ZMAT4: variants seen among roughly 807,000 people sequenced by gnomAD.
The protein encoded by ZMAT4 is zinc finger matrin-type protein 4.
ZMAT4 carries 17 observed loss-of-function variants against 28.7 expected under a neutral mutation model. That is an observed-to-expected ratio of 0.59 (90% CI 0.41 to 0.89). The LOEUF (loss-of-function observed/expected upper bound fraction) is 0.89. Ranked by LOEUF, ZMAT4 falls within the 40% of genes least tolerant of loss-of-function variation. The pLI, the probability that ZMAT4 is intolerant of heterozygous loss-of-function variation, is 0.00. For missense variants in ZMAT4, 240 were observed against 283.8 expected (o/e 0.85, Z 1.11); for synonymous variants, 117 against 109.2 (o/e 1.07, Z -0.44).
At chr8:40,896,300 C>T (rs1292154085) in intron 1 of ZMAT4, among the ~76,000 whole-genome samples, 1 of 152,122 alleles carries the variant, frequency 6.6e-6, no homozygotes, top group Non-Finnish European at 1.5e-5. Flanking sequence ...AGAATCCCTC[C>T]CAGAACATGC....
chr8:40,786,701 A>G, intron 2 of ZMAT4: 1 of 1,289,024 alleles, frequency 7.8e-7, no homozygotes, highest in Non-Finnish European at 1.0e-6. Flanking sequence ...GTCAGAATTC[A>G]CACAGCCACC....
In ZMAT4 at chr8:40,674,901, C is replaced by T. The variant is rs1419897637; in HGVS notation, c.380G>A (p.Arg127Gln). Residue 127 changes from arginine (R) to glutamine (Q), a missense_variant, in exon 5 of 7, where the codon CGG becomes CAG. Arg to Gln is a conservative substitution (Grantham distance 43). Transcript: ENST00000297737. ...TGCGACCACCGGAGCAGTGTCCATC[C>T]GTGGGGGCTTAAGTGGGCTCAGGGG... ...ATPLSPLKPP[R>Q]MDTAPVVASP... 4 of 1,613,194 alleles carry T rather than the reference C, an allele frequency of 2.5e-6. No homozygotes were observed. Among genetic ancestry groups the T allele is most frequent in the South Asian group, 2.2e-5 (2 of 91,052 alleles).
intron 2 of ZMAT4, among the ~76,000 whole-genome samples, chr8:40,801,342 A>T (rs1814822203): frequency 1.5e-5 from 1 of 66,026 alleles, no homozygotes; most frequent in Admixed American, 2.3e-4. Flanking sequence ...TACTTTCTTT[A>T]AAAAAAAAAA....
At chr8:40,678,963 T>A (rs1176440941) in intron 4 of ZMAT4, among the ~76,000 whole-genome samples, 3 of 152,206 alleles carry the variant, frequency 2.0e-5, no homozygotes, top group Non-Finnish European at 4.4e-5. Flanking sequence ...TGTGCCTTAT[T>A]ATACATCCCA....
intron 2 of ZMAT4, among the ~76,000 whole-genome samples, chr8:40,788,288 G>GCTCA (rs1814167824): frequency 6.6e-6 from 1 of 151,974 alleles, no homozygotes; most frequent in Non-Finnish European, 1.5e-5. Context: ...AACTACCAAA[G>GCTCA]CTTAAGAATA....
chr8:40,781,789 A>AAAAAAAAAAAAAAAAAAAAAAC (rs1563480296), intron 2 of ZMAT4, among the ~76,000 whole-genome samples: 2 of 147,848 alleles, frequency 1.4e-5, no homozygotes, highest in African/African-American at 5.1e-5. Flanking sequence ...AAAAAAAAAA[A>AAAAAAAAAAAAAAAAAAAAAAC]AAGAAAAGAA....
chr8:40,755,411 T>G (rs1326005876), intron 3 of ZMAT4, among the ~76,000 whole-genome samples: 1 of 152,192 alleles, frequency 6.6e-6, no homozygotes, highest in African/African-American at 2.4e-5. Context: ...TGTGTGGCTG[T>G]GTTCCAATAA....
At chr8:40,835,085 G>A (rs187223924) in intron 1 of ZMAT4, among the ~76,000 whole-genome samples, 33 of 152,240 alleles carry the variant, frequency 2.2e-4, no homozygotes, top group Admixed American at 5.9e-4. Context: ...CAGTCACAGC[G>A]GGCCCAAAGC....
intron 6 of ZMAT4, among the ~76,000 whole-genome samples, chr8:40,549,468 T>G (rs1381657750): frequency 1.3e-5 from 2 of 152,152 alleles, no homozygotes; most frequent in African/African-American, 4.8e-5. Context: ...TGCTTCACTG[T>G]CCAAATCTTA....
chr8:40,881,753 T>A (rs1322746425), intron 1 of ZMAT4, among the ~76,000 whole-genome samples: 1 of 152,242 alleles, frequency 6.6e-6, no homozygotes, highest in African/African-American at 2.4e-5. Context: ...CCCATTCTTT[T>A]CCTTGTAGGA....
chr8:40,590,722 T>TGG (rs1467574246), intron 5 of ZMAT4, among the ~76,000 whole-genome samples: 4 of 151,982 alleles, frequency 2.6e-5, no homozygotes, highest in Non-Finnish European at 4.4e-5. Flanking sequence ...AGTGTGTGTG[T>TGG]GTGTGTGTGT....
At chr8:40,754,097 G>A (rs944040727) in intron 3 of ZMAT4, among the ~76,000 whole-genome samples, 14 of 151,908 alleles carry the variant, frequency 9.2e-5, no homozygotes, top group Middle Eastern at 3.2e-3. Context: ...GATTGAACCC[G>A]GGAGGCAGAG....
chr8:40,663,353 A>T (rs1219984881), intron 5 of ZMAT4, among the ~76,000 whole-genome samples: 1 of 151,824 alleles, frequency 6.6e-6, no homozygotes, highest in Non-Finnish European at 1.5e-5. Flanking sequence ...TTTTTTTCAC[A>T]TTTTGTGTTA....
intron 5 of ZMAT4, among the ~76,000 whole-genome samples, chr8:40,591,795 TG>T (rs1427384070): frequency 6.6e-6 from 1 of 152,218 alleles, no homozygotes; most frequent in Admixed American, 6.5e-5. Context: ...ATGAAAGGGT[TG>T]TTATTATCAC....
At chr8:40,560,124 A>C (rs1485435145) in intron 6 of ZMAT4, among the ~76,000 whole-genome samples, 1 of 151,764 alleles carries the variant, frequency 6.6e-6, no homozygotes, top group East Asian at 1.9e-4. Flanking sequence ...CCTCTAATAC[A>C]CTTCTAGCTC....
At chr8:40,625,508 T>C (rs1015793237) in intron 5 of ZMAT4, among the ~76,000 whole-genome samples, 14 of 151,946 alleles carry the variant, frequency 9.2e-5, no homozygotes, top group Non-Finnish European at 1.8e-4. Context: ...AAATTGTGGG[T>C]CTATTTGGGA....
chr8:40,763,193 T>A (rs1470333928), intron 3 of ZMAT4, among the ~76,000 whole-genome samples: 2 of 152,192 alleles, frequency 1.3e-5, no homozygotes, highest in African/African-American at 4.8e-5. Context: ...CCCCACTAGA[T>A]CCTGATCTGT....
chr8:40,828,199 T>C (rs1467547106), intron 1 of ZMAT4, among the ~76,000 whole-genome samples: 1 of 152,172 alleles, frequency 6.6e-6, no homozygotes, highest in East Asian at 1.9e-4. Context: ...GAAAAGATGT[T>C]TTGATGATGA....
In ZMAT4 at chr8:40,674,817, T is replaced by C; in HGVS notation, c.464A>G (p.Asn155Ser). ...ATGTTGCTGGGCCATCAGAGGGTTA[T>C]TAAACCAGGCTGCACAGAGCCCACA... ...RYCGLCAAWF[N>S]NPLMAQQHYD... The change falls in exon 5 of 7, where the codon AAT becomes AGT. Residue 155 changes from asparagine to serine, a missense_variant. Transcript: ENST00000297737. 1 of 1,614,026 alleles carries C rather than the reference T, an allele frequency of 6.2e-7. No individual in the cohort carries two copies. The highest frequency in any genetic ancestry group is 8.5e-7 in the Non-Finnish European group (1 of 1,179,938).
Sources: allele counts gnomAD v4.1 joint callset (sites outside exome capture counted in the v4.1 genomes callset), GRCh38; gene constraint gnomAD v4.1.1; transcripts MANE v1.5; gene names NCBI Gene and HGNC (gene_info 2026-07-23, HGNC 2026-07-21).